NECAB1: variants seen among roughly 807,000 people sequenced by gnomAD.
NECAB1 encodes the protein N-terminal EF-hand calcium binding protein 1.
A neutral mutation model predicts 57.5 loss-of-function variants in NECAB1; 29 were observed. That is an observed-to-expected ratio of 0.50 (90% CI 0.38 to 0.69). The LOEUF (loss-of-function observed/expected upper bound fraction) is 0.69, where lower values mean the gene tolerates loss of function less well. Ranked by LOEUF, NECAB1 falls within the 30% of genes least tolerant of loss-of-function variation. The pLI is 0.00. For synonymous variants in NECAB1, 142 were observed against 147.7 expected (o/e 0.96, Z 0.28); for missense variants, 372 against 413.8 (o/e 0.90, Z 0.88).
chr8:90,816,057 G>T (rs1235701657), intron 2 of NECAB1, among the ~76,000 whole-genome samples: 1 of 151,730 alleles, frequency 6.6e-6, no homozygotes, highest in African/African-American at 2.4e-5. Context: ...GGTATTATCA[G>T]TTTTTTTCAG....
In NECAB1 at chr8:90,884,148, A is replaced by G. The variant is rs192380614; in HGVS notation, c.357+3018A>G. ...ATGTATATATATTTTTTCTTCTGACAGTTATTTTTCAAACAAACACAGCCT... is the reference window on the plus strand; with the variant it reads ...ATGTATATATATTTTTTCTTCTGACGGTTATTTTTCAAACAAACACAGCCT... On this transcript the variant is annotated intron_variant, in intron 5 of 12. Coordinates refer to ENST00000417640, the MANE Select transcript of NECAB1 (RefSeq NM_022351.5). 1.3e-3 allele frequency among the ~76,000 whole-genome samples: 193 copies of G among 152,288 alleles called. 1 individual carries two copies. Among genetic ancestry groups the G allele is most frequent in the African/African-American group, 4.6e-3 (191 of 41,568 alleles).
chr8:90,853,098 T>C (rs567271527), intron 3 of NECAB1, among the ~76,000 whole-genome samples: 3 of 152,386 alleles, frequency 2.0e-5, no homozygotes, highest in East Asian at 3.9e-4. Flanking sequence ...CCATGGGGCC[T>C]GCATGGAGTT....
intron 6 of NECAB1, among the ~76,000 whole-genome samples, chr8:90,917,840 C>CTATCTATATATATATATATATATA: frequency 2.1e-5 from 1 of 47,330 alleles, no homozygotes; most frequent in South Asian, 7.2e-4. Flanking sequence ...ATTTAGTAAA[C>CTATCTATATATATATATATATATA]TATATATATA....
intron 3 of NECAB1, among the ~76,000 whole-genome samples, chr8:90,834,507 C>T (rs572329970): frequency 3.3e-5 from 5 of 152,168 alleles, no homozygotes; most frequent in African/African-American, 9.6e-5. Flanking sequence ...ATAGAAAGTG[C>T]CATCGATGAG....
intron 5 of NECAB1, among the ~76,000 whole-genome samples, chr8:90,892,165 A>G (rs182818325): frequency 6.6e-6 from 1 of 152,220 alleles, no homozygotes. Context: ...GACATAGCTT[A>G]TCACTCTCTT....
chr8:90,906,893 A>ATATATATATATGTATGTATGTG (rs1563528290), intron 5 of NECAB1, among the ~76,000 whole-genome samples: 11 of 137,550 alleles, frequency 8.0e-5, no homozygotes, highest in Admixed American at 2.2e-4. Flanking sequence ...ATATATATAT[A>ATATATATATATGTATGTATGTG]TATATATATA....
intron 3 of NECAB1, among the ~76,000 whole-genome samples, chr8:90,839,892 A>G (rs1812428437): frequency 6.6e-6 from 1 of 152,164 alleles, no homozygotes; most frequent in Admixed American, 6.5e-5. Flanking sequence ...TATGTTTTCA[A>G]AAGATAGATC....
In NECAB1 at chr8:90,827,704, A is replaced by G. The variant is rs183376695; in HGVS notation, c.233+2879A>G. On this transcript the variant is annotated intron_variant, in intron 3 of 12. Coordinates refer to ENST00000417640, the MANE Select transcript of NECAB1 (RefSeq NM_022351.5). ...CTGGCTACTTAATTTTTTTCCTTTT[A>G]TCTCATGAAAATACTCTTAAAATAT... 4.2e-3 allele frequency among the ~76,000 whole-genome samples: 640 copies of G among 152,140 alleles called. 2 individuals are homozygous for G. The highest frequency in any genetic ancestry group is 5.8e-3 in the African/African-American group (239 of 41,542).
At chr8:90,837,725 C>T (rs1249558027) in intron 3 of NECAB1, among the ~76,000 whole-genome samples, 1 of 152,194 alleles carries the variant, frequency 6.6e-6, no homozygotes, top group Non-Finnish European at 1.5e-5. Context: ...CTCTGAGTCT[C>T]TTCCACTGGC....
At chr8:90,799,672 T>A (rs1182008234) in intron 1 of NECAB1, among the ~76,000 whole-genome samples, 2 of 152,214 alleles carry the variant, frequency 1.3e-5, no homozygotes, top group African/African-American at 2.4e-5. Context: ...TGTATCTGTT[T>A]TTTGTACCAG....
intron 5 of NECAB1, among the ~76,000 whole-genome samples, chr8:90,893,479 G>A (rs2631015): frequency 0.54 from 81,603 of 152,014 alleles, 25,937 homozygotes; most frequent in African/African-American, 0.87. Context: ...TCACCCGGAA[G>A]GGAAGAGCGA....
chr8:90,851,278 C>T (rs146439101), intron 3 of NECAB1, among the ~76,000 whole-genome samples: 244 of 152,180 alleles, frequency 1.6e-3, no homozygotes, highest in African/African-American at 5.6e-3. Context: ...AAGTGTTTTC[C>T]TGAGTTCTGT....
intron 5 of NECAB1, among the ~76,000 whole-genome samples, chr8:90,888,040 T>C (rs1809051982): frequency 6.6e-6 from 1 of 152,298 alleles, no homozygotes; most frequent in African/African-American, 2.4e-5. Context: ...TTTCAGACAG[T>C]CCTACCAATC....
chr8:90,906,876 C>CGTATATATATACGT (rs1809667102), intron 5 of NECAB1, among the ~76,000 whole-genome samples: 40 of 121,758 alleles, frequency 3.3e-4, no homozygotes, highest in African/African-American at 1.3e-3. Context: ...ATGATATACA[C>CGTATATATATACGT]ATATATATAT....
chr8:90,819,982 C>G (rs897667271), intron 2 of NECAB1, among the ~76,000 whole-genome samples: 1 of 151,844 alleles, frequency 6.6e-6, no homozygotes, highest in African/African-American at 2.4e-5. Flanking sequence ...TAAAACCCAC[C>G]AAAGTATGGA....
chr8:90,900,552 T>C (rs1242359570), intron 5 of NECAB1, among the ~76,000 whole-genome samples: 1 of 152,174 alleles, frequency 6.6e-6, no homozygotes, highest in Non-Finnish European at 1.5e-5. Flanking sequence ...TAGAATCTTA[T>C]CCTCTATAAG....
intron 1 of NECAB1, among the ~76,000 whole-genome samples, chr8:90,793,688 A>C (rs1811614006): frequency 6.6e-6 from 1 of 152,146 alleles, no homozygotes; most frequent in Admixed American, 6.5e-5. Flanking sequence ...TTCAAAGGGG[A>C]CAAGTGGGGC....
chr8:90,917,913 TACAC>T (rs1294117754), intron 6 of NECAB1, among the ~76,000 whole-genome samples: 14 of 123,234 alleles, frequency 1.1e-4, no homozygotes, highest in South Asian at 2.4e-4. Context: ...TGTATATATA[TACAC>T]ACACACACAT....
In NECAB1 at chr8:90,873,246, A is replaced by C. The variant is rs188289561; in HGVS notation, c.259+1093A>C. 5.7e-3 allele frequency among the ~76,000 whole-genome samples: 864 copies of C among 152,350 alleles called. 3 individuals are homozygous for C. The highest frequency in any genetic ancestry group is 9.3e-3 in the Non-Finnish European group (632 of 68,028). On this transcript the variant is annotated intron_variant, in intron 4 of 12. Coordinates refer to ENST00000417640, the MANE Select transcript of NECAB1 (RefSeq NM_022351.5). ...AGGGAGGAAAATCCAATTGAAATTCAAGATATGTTTATGGAGGAGCAAGGT... is the reference window on the plus strand; with the variant it reads ...AGGGAGGAAAATCCAATTGAAATTCCAGATATGTTTATGGAGGAGCAAGGT...
Sources: allele counts gnomAD v4.1 joint callset (sites outside exome capture counted in the v4.1 genomes callset), GRCh38; gene constraint gnomAD v4.1.1; transcripts MANE v1.5; gene names NCBI Gene and HGNC (gene_info 2026-07-23, HGNC 2026-07-21).